DYRK1A: variants seen among roughly 807,000 people sequenced by gnomAD.
DYRK1A encodes the protein dual specificity tyrosine-phosphorylation-regulated kinase 1A.
A neutral mutation model predicts 79.7 loss-of-function variants in DYRK1A; 9 were observed. That is an observed-to-expected ratio of 0.11 (90% confidence interval 0.07 to 0.20). The LOEUF is 0.20. Among genes scored for constraint, DYRK1A ranks in the 10% least tolerant of loss-of-function variants. DYRK1A has a pLI of 1.00. For missense variants in DYRK1A, 622 were observed against 956.0 expected (o/e 0.65, Z 4.61); for synonymous variants, 349 against 329.7 (o/e 1.06, Z -0.63).
chr21:37,426,821 T>G (rs7282224), intron 2 of DYRK1A, among the ~76,000 whole-genome samples: 145,218 of 145,220 alleles, frequency 1, 72,608 homozygotes, highest in Middle Eastern at 1. Context: ...TTGGGAGGCT[T>G]AGGCAGGAGA....
chr21:37,388,045 C>G (rs1831540247), intron 1 of DYRK1A, among the ~76,000 whole-genome samples: 1 of 151,392 alleles, frequency 6.6e-6, no homozygotes, highest in East Asian at 1.9e-4. Context: ...TCTCCCTCTT[C>G]CCTTCATGAC....
chr21:37,372,693 AGGAATCTT>A (rs1440998084), intron 1 of DYRK1A, among the ~76,000 whole-genome samples: 2 of 152,184 alleles, frequency 1.3e-5, no homozygotes, highest in African/African-American at 4.8e-5. Context: ...TAATTAGCAT[AGGAATCTT>A]GTGAAAATTG....
chr21:37,458,304 G>GTGTGTGTGTGTGTGTGTA (rs1366699533), intron 2 of DYRK1A, among the ~76,000 whole-genome samples: 5 of 150,786 alleles, frequency 3.3e-5, no homozygotes, highest in Admixed American at 1.3e-4. Flanking sequence ...GTGTGTGTGT[G>GTGTGTGTGTGTGTGTGTA]TGTACATATA....
At chr21:37,491,409 A>G (rs2053089174) in intron 7 of DYRK1A, among the ~76,000 whole-genome samples, 1 of 152,142 alleles carries the variant, frequency 6.6e-6, no homozygotes, top group African/African-American at 2.4e-5. Flanking sequence ...TTTTAAAGAA[A>G]CCCGGCTAAC....
chr21:37,403,562 C>T (rs1409309793), intron 1 of DYRK1A, among the ~76,000 whole-genome samples: 2 of 151,624 alleles, frequency 1.3e-5, no homozygotes, highest in Non-Finnish European at 1.5e-5. Flanking sequence ...CACTGCTGGG[C>T]TCAAGTGGTC....
At position 37,472,820 on chromosome 21, in the gene DYRK1A, T is replaced by G; in HGVS notation, c.147T>G (p.Ser49Arg). 1 of 1,609,026 alleles carries G rather than the reference T, an allele frequency of 6.2e-7. No individual in the cohort carries two copies. Among genetic ancestry groups the G allele is most frequent in the Non-Finnish European group, 8.5e-7 (1 of 1,176,466 alleles). ...QYSDRRQPNISDQQVSALSYS... is the reference protein window; with the variant it reads ...QYSDRRQPNIRDQQVSALSYS... The stretch of plus-strand genomic sequence containing the variant: ...GTGACCGTCGCCAGCCAAACATAAG[T>G]GACCAACAGGTTTCTGCCTTATCAT... Residue 49 changes from serine to arginine, a missense_variant, in exon 3 of 12, where the codon AGT becomes AGG. Physicochemically the swap from Ser to Arg is moderately radical, Grantham distance 110 (BLOSUM62 -1). This residue lies in a region of DYRK1A where 91 missense variants were observed against 113.8 expected (regional missense o/e 0.80). Transcript: ENST00000647188.
At chr21:37,399,505 A>G (rs2050016634) in intron 1 of DYRK1A, among the ~76,000 whole-genome samples, 2 of 152,160 alleles carry the variant, frequency 1.3e-5, no homozygotes, top group South Asian at 4.1e-4. Flanking sequence ...ATTGTACCAG[A>G]TGTTTGGGGT....
intron 5 of DYRK1A, among the ~76,000 whole-genome samples, chr21:37,482,038 C>G (rs758537986): frequency 2.0e-5 from 3 of 152,172 alleles, no homozygotes; most frequent in Non-Finnish European, 4.4e-5. Flanking sequence ...AAACTTTTGA[C>G]TTTTCGATGA....
chr21:37,405,176 G>C (rs1351413699), intron 1 of DYRK1A, among the ~76,000 whole-genome samples: 1 of 151,914 alleles, frequency 6.6e-6, no homozygotes, highest in Non-Finnish European at 1.5e-5. Context: ...CCACTGAGAG[G>C]ACTCTAGAGC....
At chr21:37,439,090 T>C (rs548256057) in intron 2 of DYRK1A, among the ~76,000 whole-genome samples, 39 of 152,244 alleles carry the variant, frequency 2.6e-4, no homozygotes, top group Admixed American at 5.2e-4. Flanking sequence ...GTTTCTGATA[T>C]ATAGTTACAG....
At chr21:37,457,064 A>G (rs1308762224) in intron 2 of DYRK1A, among the ~76,000 whole-genome samples, 1 of 149,900 alleles carries the variant, frequency 6.7e-6, no homozygotes, top group Non-Finnish European at 1.5e-5. Flanking sequence ...TTATTTATTT[A>G]TTTATTTATT....
chr21:37,416,952 C>A (rs896720191), intron 1 of DYRK1A, among the ~76,000 whole-genome samples: 1 of 152,050 alleles, frequency 6.6e-6, no homozygotes, highest in Non-Finnish European at 1.5e-5. Context: ...ACTTTTGAAG[C>A]TCCTTGTATC....
intron 2 of DYRK1A, among the ~76,000 whole-genome samples, chr21:37,451,653 A>G (rs1178778148): frequency 2.7e-5 from 4 of 150,812 alleles, no homozygotes; most frequent in Non-Finnish European, 4.4e-5. Context: ...AGTAGGCTCC[A>G]CCGTCTAGCG....
Position 37,526,339 on chromosome 21 carries a change from A to G in DYRK1A, c.*13808A>G, listed in dbSNP as rs940816062. 1.3e-5 allele frequency: 2 copies of G among 152,202 alleles called. No individual in the cohort carries two copies. The highest frequency in any genetic ancestry group is 4.8e-5 in the African/African-American group (2 of 41,446). 9.4% of individuals were successfully genotyped at this position (152,202 alleles called of 1,614,324 possible). ...AAAAATGTATAAATGTGTTTTATGT[A>G]ATAAATATGCTAAGCTAAACATCTT... On this transcript the variant is annotated 3_prime_UTR_variant, in exon 12 of 12. Transcript: ENST00000647188.
At chr21:37,413,376 C>T (rs1325566125) in intron 1 of DYRK1A, among the ~76,000 whole-genome samples, 1 of 152,034 alleles carries the variant, frequency 6.6e-6, no homozygotes, top group African/African-American at 2.4e-5. Flanking sequence ...TGCATGCACT[C>T]ATGCAAATCA....
rs113110833 is a variant in DYRK1A, at chr21:37,506,118, C to T, written c.1539C>T (p.Ser513=). The part of the protein sequence containing the change: ...SSSSGGSSGT[S]NSGRARSDPT... Reference sequence around the variant, plus strand: ...TTTCAGGTGGCTCATCGGGGACAAGCAACAGTGGGAGAGCCCGGTCGGATC... The same window carrying T: ...TTTCAGGTGGCTCATCGGGGACAAGTAACAGTGGGAGAGCCCGGTCGGATC... Residue 513 remains serine (S), a synonymous_variant, in exon 11 of 12, where the codon AGC becomes AGT. Transcript: ENST00000647188. 110 of 1,612,224 alleles carry T rather than the reference C, an allele frequency of 6.8e-5. No homozygotes were observed. In the African/African-American group the frequency reaches 1.3e-3, roughly 19 times the overall value.
At chr21:37,450,473 T>C (rs905101387) in intron 2 of DYRK1A, among the ~76,000 whole-genome samples, 5 of 152,208 alleles carry the variant, frequency 3.3e-5, no homozygotes, top group Admixed American at 1.3e-4. Flanking sequence ...GGGAACTAGA[T>C]GTCTGACAGT....
intron 1 of DYRK1A, among the ~76,000 whole-genome samples, chr21:37,412,580 A>C (rs995066758): frequency 2.6e-5 from 4 of 152,218 alleles, no homozygotes; most frequent in Non-Finnish European, 5.9e-5. Flanking sequence ...AGTTAATTCT[A>C]GGAAGCATTT....
intron 9 of DYRK1A, among the ~76,000 whole-genome samples, chr21:37,500,953 A>G (rs985626379): frequency 4.2e-5 from 6 of 142,294 alleles, no homozygotes; most frequent in South Asian, 4.4e-4. Flanking sequence ...TTCTTTTTCT[A>G]TTCTTGATCT....
Sources: allele counts gnomAD v4.1 joint callset (sites outside exome capture counted in the v4.1 genomes callset), GRCh38; gene constraint gnomAD v4.1.1; regional missense constraint gnomAD v4.1.1; transcripts MANE v1.5; gene names NCBI Gene and HGNC (gene_info 2026-07-23, HGNC 2026-07-21).